CRACR2A: variants seen among roughly 807,000 people sequenced by gnomAD.
CRACR2A encodes the protein calcium release activated channel regulator 2A.
A neutral mutation model predicts 90.5 loss-of-function variants in CRACR2A; 79 were observed. That is an observed-to-expected ratio of 0.87 (90% CI 0.73 to 1.05). CRACR2A has a LOEUF of 1.05. Ranked by LOEUF, CRACR2A falls within the 50% of genes least tolerant of loss-of-function variation. CRACR2A has a pLI of 0.00. For missense variants in CRACR2A, 823 were observed against 897.2 expected (o/e 0.92, Z 1.06); for synonymous variants, 338 against 356.7 (o/e 0.95, Z 0.59).
intron 3 of CRACR2A, among the ~76,000 whole-genome samples, chr12:3,699,250 C>G: frequency 6.6e-6 from 1 of 152,210 alleles, no homozygotes; most frequent in East Asian, 1.9e-4. Context: ...AATCACCTCC[C>G]AGAGGCATAT....
Position 3,657,270 on chromosome 12 carries a change from G to A in CRACR2A, c.763-864C>T, listed in dbSNP as rs566984910. Among the ~76,000 whole-genome samples the A allele has an allele frequency of 8.5e-5, 13 of 152,364 alleles. 1 individual carries two copies. The South Asian group carries it at 2.7e-3, about 32-fold the overall frequency. ...TGCAGCACTCCACTTGCCTGAAGGC[G>A]GAATGGAGGTACAAAATGTGCAGGA... On this transcript the variant is annotated intron_variant, in intron 8 of 19. Coordinates refer to ENST00000440314, the MANE Select transcript of CRACR2A (RefSeq NM_001144958.2).
chr12:3,633,206 G>A lies in CRACR2A; in HGVS notation c.1735+398C>T, dbSNP rs941761233. On this transcript the variant is annotated intron_variant, in intron 15 of 19. Coordinates refer to ENST00000440314, the MANE Select transcript of CRACR2A (RefSeq NM_001144958.2). The surrounding 1 kb of genome is among the most constrained non-coding windows in gnomAD (Gnocchi z 4.5). ...GGAGGTGTGGCAGGATGTGGGTCTC[G>A]GGAGGAGTCCTGGTCAGTTCAGGGG... 1.3e-5 allele frequency among the ~76,000 whole-genome samples: 2 copies of A among 152,050 alleles called. No individual in the cohort carries two copies. The highest frequency in any genetic ancestry group is 4.8e-5 in the African/African-American group (2 of 41,384).
chr12:3,725,914 T>C (rs1300676091), intron 2 of CRACR2A: 1 of 152,152 alleles, frequency 6.6e-6, no homozygotes, highest in Non-Finnish European at 1.5e-5. Context: ...CTCCAGGATT[T>C]TTTTTTTTCT....
chr12:3,721,762 G>A (rs1175702158), intron 2 of CRACR2A, among the ~76,000 whole-genome samples: 1 of 152,090 alleles, frequency 6.6e-6, no homozygotes, highest in Non-Finnish European at 1.5e-5. Context: ...TATCAATGGT[G>A]GTTATCTTGT....
At chr12:3,669,269 C>T (rs969575781) in intron 7 of CRACR2A, among the ~76,000 whole-genome samples, 1 of 152,218 alleles carries the variant, frequency 6.6e-6, no homozygotes, top group African/African-American at 2.4e-5. Context: ...TGCCTCCAGA[C>T]AGCACTGCTC....
chr12:3,639,457 A>AACACACACACACACAC (rs9300301), intron 13 of CRACR2A, among the ~76,000 whole-genome samples: 10,586 of 139,466 alleles, frequency 0.076, 545 homozygotes, highest in African/African-American at 0.13. Flanking sequence ...CCAGAATTGA[A>AACACACACACACACAC]ACACACACAC....
intron 3 of CRACR2A, among the ~76,000 whole-genome samples, chr12:3,708,198 C>A (rs1034859298): frequency 1.2e-4 from 19 of 152,172 alleles, no homozygotes; most frequent in African/African-American, 4.6e-4. Flanking sequence ...GAAGTTTCCC[C>A]CACCCCTCTA....
chr12:3,659,524 A>C (rs770917312), intron 8 of CRACR2A, 40 bp downstream of exon 8: 3 of 1,584,582 alleles, frequency 1.9e-6, no homozygotes, highest in Non-Finnish European at 1.7e-6. Flanking sequence ...CAGATATGTC[A>C]AGCTGGCCTC....
intron 7 of CRACR2A, among the ~76,000 whole-genome samples, chr12:3,671,747 A>G (rs1465816060): frequency 6.6e-6 from 1 of 152,228 alleles, no homozygotes; most frequent in Non-Finnish European, 1.5e-5. Context: ...ATTAACAAAG[A>G]TACTTATTTA....
chr12:3,664,219 G>A (rs1229456268), intron 7 of CRACR2A, among the ~76,000 whole-genome samples: 1 of 152,112 alleles, frequency 6.6e-6, no homozygotes, highest in Non-Finnish European at 1.5e-5. Flanking sequence ...AAATGGTTTT[G>A]GAATCTATTG....
At chr12:3,718,381 C>A (rs925724527) in intron 2 of CRACR2A, among the ~76,000 whole-genome samples, 1 of 152,178 alleles carries the variant, frequency 6.6e-6, no homozygotes, top group Non-Finnish European at 1.5e-5. Flanking sequence ...AGCATTCTCT[C>A]TCAAGCAGCC....
rs186746147 is a variant in CRACR2A at position 3,633,141 on chromosome 12, G to C, written c.1735+463C>G. ...GCGATGGGTAAAAGAAGCCATCCAG[G>C]AGCAAGGCCAGGATGTAGCAGGCCC... On this transcript the variant is annotated intron_variant, in intron 15 of 19. Coordinates refer to ENST00000440314, the MANE Select transcript of CRACR2A (RefSeq NM_001144958.2). This position sits in a 1 kb window ranked among gnomAD's most constrained non-coding sequence, Gnocchi z 4.5. Among the ~76,000 whole-genome samples the C allele has an allele frequency of 3.4e-3, 520 of 152,226 alleles. 2 individuals carry two copies. Among genetic ancestry groups the C allele is most frequent in the South Asian group, 9.1e-3 (44 of 4,816 alleles).
chr12:3,643,044 G>A (rs937958645), intron 12 of CRACR2A, among the ~76,000 whole-genome samples: 1 of 152,198 alleles, frequency 6.6e-6, no homozygotes, highest in African/African-American at 2.4e-5. Flanking sequence ...AGTTTGGCAG[G>A]TAAAGGGAAG....
At chr12:3,672,790 A>C in intron 7 of CRACR2A, 3 of 985,030 alleles carry the variant, frequency 3.0e-6, no homozygotes, top group Non-Finnish European at 3.6e-6. Context: ...AGTGAGGAGG[A>C]CTCTGGGTTG....
At chr12:3,743,685 G>T (rs1206632005) in intron 1 of CRACR2A, among the ~76,000 whole-genome samples, 1 of 152,192 alleles carries the variant, frequency 6.6e-6, no homozygotes, top group Non-Finnish European at 1.5e-5. Context: ...CTGGCACATG[G>T]CAGGCATTTG....
chr12:3,660,303 G>T (rs1945005763), intron 7 of CRACR2A, among the ~76,000 whole-genome samples: 1 of 152,178 alleles, frequency 6.6e-6, no homozygotes, highest in African/African-American at 2.4e-5. Context: ...TCTAGTGCCT[G>T]TGCCATCTCA....
intron 3 of CRACR2A, among the ~76,000 whole-genome samples, chr12:3,704,827 G>A (rs970016047): frequency 6.6e-6 from 1 of 152,196 alleles, no homozygotes; most frequent in African/African-American, 2.4e-5. Context: ...AGCAGGCAGA[G>A]CCCCTTGTGA....
intron 2 of CRACR2A, among the ~76,000 whole-genome samples, chr12:3,724,147 T>C (rs1002104301): frequency 5.3e-5 from 8 of 152,080 alleles, no homozygotes; most frequent in African/African-American, 1.7e-4. Context: ...TCAGGCGGCG[T>C]TTAATTGCTT....
At chr12:3,676,781 G>A (rs116652657) in intron 6 of CRACR2A, among the ~76,000 whole-genome samples, 47 of 152,002 alleles carry the variant, frequency 3.1e-4, no homozygotes, top group African/African-American at 1.0e-3. Flanking sequence ...ACTGAGACAC[G>A]CCACCATGAA....
Sources: allele counts gnomAD v4.1 joint callset (sites outside exome capture counted in the v4.1 genomes callset), GRCh38; gene constraint gnomAD v4.1.1; non-coding constraint Gnocchi (gnomAD v3.1); transcripts MANE v1.5; gene names NCBI Gene and HGNC (gene_info 2026-07-23, HGNC 2026-07-21).